Variants in TMEM39A observed in about 807,000 individuals in gnomAD.
The protein encoded by TMEM39A is suppressor of SQST-1 aggregates in rpl-43 mutants.
TMEM39A carries 19 observed loss-of-function variants against 51.9 expected under a neutral mutation model. That is an observed-to-expected ratio of 0.37 (90% CI 0.26 to 0.54). The LOEUF is 0.54. TMEM39A is among the 20% of genes least tolerant of loss of function. TMEM39A has a pLI of 0.88. For synonymous variants in TMEM39A, 197 were observed against 220.2 expected (o/e 0.89, Z 0.93); for missense variants, 433 against 590.5 (o/e 0.73, Z 2.76).
chr3:119,458,230 C>T lies in TMEM39A; in HGVS notation c.124G>A (p.Ala42Thr). The change falls in exon 3 of 9, where the codon GCT becomes ACT. Residue 42 changes from alanine (A) to threonine (T), a missense_variant. Transcript: ENST00000319172. ...ATAGGTGGGACTGGAAGGCCAATAG[C>T]ACTACCATTCCTGAAAGAGAAAACT... The part of the protein sequence containing the change: ...GTGLRNRNGS[A>T]IGLPVPPITA... The T allele has an allele frequency of 6.2e-7, 1 of 1,613,908 alleles. No homozygotes were observed. Among genetic ancestry groups the T allele is most frequent in the African/African-American group, 1.3e-5 (1 of 75,048 alleles).
At position 119,447,186 on chromosome 3, in the gene TMEM39A, A is replaced by C. The variant is rs757494660; in HGVS notation, c.421-14T>G. ...TGCCTTAGTAGCCTGAAAGTTTGGA[A>C]GCACCAAAATGAACATTTTGTAAAT... On this transcript the variant is annotated splice_polypyrimidine_tract_variant and intron_variant, in intron 4 of 8. Transcript: ENST00000319172. The C allele has an allele frequency of 1.2e-6, 2 of 1,605,222 alleles. No individual in the cohort carries two copies. Among genetic ancestry groups the C allele is most frequent in the South Asian group, 2.3e-5 (2 of 88,840 alleles).
rs1204256342 is a variant in TMEM39A, at chr3:119,463,539, T to G, written c.-278A>C. On this transcript the variant is annotated 5_prime_UTR_variant, in exon 1 of 9. Transcript: ENST00000319172. ...ACTCAGACCCAGACTCCGACGCAGTTCCAGTGCCAGAGCTAAAGCTAGAGC... is the reference window on the plus strand; with the variant it reads ...ACTCAGACCCAGACTCCGACGCAGTGCCAGTGCCAGAGCTAAAGCTAGAGC... 1.3e-5 allele frequency: 5 copies of G among 398,682 alleles called. No homozygotes were observed. The highest frequency in any genetic ancestry group is 2.2e-5 in the Non-Finnish European group (5 of 226,220). The allele number at this position is 398,682 out of a possible 1,614,324, so 24.7% of individuals were successfully genotyped here.
intron 4 of TMEM39A, among the ~76,000 whole-genome samples, chr3:119,450,205 T>A (rs1209494520): frequency 6.6e-6 from 1 of 152,222 alleles, no homozygotes; most frequent in Non-Finnish European, 1.5e-5. Context: ...CACCTGCTGA[T>A]CCTGTCTCCT....
chr3:119,434,707 G>GCCTC (rs2080945941), intron 8 of TMEM39A, 55 bp downstream of exon 8: 1 of 1,595,632 alleles, frequency 6.3e-7, no homozygotes, highest in South Asian at 1.1e-5. Flanking sequence ...ACATAGAGTG[G>GCCTC]CCTCCTAACA....
At position 119,452,428 on chromosome 3, in the gene TMEM39A, A is replaced by T; in HGVS notation, c.420+19T>A. ...TAACTCTAGCTACATGTGATAGAAT[A>T]TAGTCAATGAACTGTTACCTCTGAG... On this transcript the variant is annotated intron_variant, in intron 4 of 8. Transcript: ENST00000319172. The T allele has an allele frequency of 6.3e-7, 1 of 1,599,652 alleles. No individual in the cohort carries two copies. Among genetic ancestry groups the T allele is most frequent in the Non-Finnish European group, 8.6e-7 (1 of 1,167,520 alleles).
At chr3:119,436,765 A>G in intron 7 of TMEM39A, 26 bp downstream of exon 7, 1 of 1,581,414 alleles carries the variant, frequency 6.3e-7, no homozygotes, top group Non-Finnish European at 8.6e-7. Flanking sequence ...AAAGTGTTAC[A>G]TGGTTTTACC....
At chr3:119,452,045 A>AATGT (rs1442206531) in intron 4 of TMEM39A, among the ~76,000 whole-genome samples, 1 of 152,138 alleles carries the variant, frequency 6.6e-6, no homozygotes, top group Non-Finnish European at 1.5e-5. Context: ...TCTTGCTAAC[A>AATGT]ATCTTCTCAA....
chr3:119,435,065 C>A (rs891583700), intron 7 of TMEM39A, 183 bp from the exon 8 acceptor site: 7 of 972,100 alleles, frequency 7.2e-6, no homozygotes, highest in South Asian at 4.8e-5. Flanking sequence ...GTTACTTTAA[C>A]TTCATTGCTA....
chr3:119,439,263 T>G (rs1026877221), intron 5 of TMEM39A, among the ~76,000 whole-genome samples: 1 of 152,104 alleles, frequency 6.6e-6, no homozygotes, highest in Non-Finnish European at 1.5e-5. Flanking sequence ...GCACATAAAT[T>G]CAGATATGAA....
chr3:119,443,063 CAAA>C (rs56263355), intron 5 of TMEM39A, among the ~76,000 whole-genome samples: 2 of 53,086 alleles, frequency 3.8e-5, no homozygotes, highest in Non-Finnish European at 3.7e-5. Flanking sequence ...GACCCTGTCT[CAAA>C]AAAAAAAAAA....
At chr3:119,459,168 AC>A (rs2107691340) in intron 2 of TMEM39A, among the ~76,000 whole-genome samples, 1 of 152,362 alleles carries the variant, frequency 6.6e-6, no homozygotes, top group Non-Finnish European at 1.5e-5. Context: ...ACATCTGGGA[AC>A]CATGACTAGT....
Position 119,463,602 on chromosome 3 carries a change from T to C in TMEM39A, c.-341A>G, listed in dbSNP as rs2107698798. On this transcript the variant is annotated 5_prime_UTR_variant, in exon 1 of 9. An upstream start codon of the reference 5' UTR is lost. Coordinates refer to ENST00000319172, the MANE Select transcript of TMEM39A (RefSeq NM_018266.3). The stretch of plus-strand genomic sequence containing the variant: ...CTTCAGCACCCATCCCTAGCCTCCA[T>C]TACCGCGGAGCTGAGCAGACGTGGC... 1.5e-5 allele frequency: 6 copies of C among 398,766 alleles called. No homozygotes were observed. In the East Asian group the frequency reaches 1.8e-4, roughly 12 times the overall value. 24.7% of individuals were successfully genotyped at this position (398,766 alleles called of 1,614,324 possible).
At chr3:119,453,543 C>T (rs988034490) in intron 3 of TMEM39A, among the ~76,000 whole-genome samples, 17 of 152,214 alleles carry the variant, frequency 1.1e-4, no homozygotes, top group Admixed American at 2.6e-4. Context: ...AAAAGTAATA[C>T]GCACAACTTC....
chr3:119,431,763 C>T lies in TMEM39A; in HGVS notation c.*218G>A, dbSNP rs549322732. 141 of 367,272 alleles carry T rather than the reference C, an allele frequency of 3.8e-4. No homozygotes were observed. Among genetic ancestry groups the T allele is most frequent in the Non-Finnish European group, 4.4e-4 (90 of 205,362 alleles). 22.8% of individuals were successfully genotyped at this position (367,272 alleles called of 1,614,324 possible). On this transcript the variant is annotated 3_prime_UTR_variant, in exon 9 of 9. Transcript: ENST00000319172. ...CAAATCAATCTCTTTACTGGACAGGCATACCTCTCATATGTATATTATTCG... is the reference window on the plus strand; with the variant it reads ...CAAATCAATCTCTTTACTGGACAGGTATACCTCTCATATGTATATTATTCG...
At chr3:119,436,078 A>C (rs565407195) in intron 7 of TMEM39A, 86 of 505,128 alleles carry the variant, frequency 1.7e-4, no homozygotes, top group South Asian at 1.5e-3. Flanking sequence ...AAAAGGGGGA[A>C]GATGAAGATG....
At chr3:119,443,807 C>T (rs2081088124) in intron 5 of TMEM39A, among the ~76,000 whole-genome samples, 1 of 151,916 alleles carries the variant, frequency 6.6e-6, no homozygotes, top group Non-Finnish European at 1.5e-5. Flanking sequence ...GTCCCAGTCC[C>T]CTAGGATTGC....
chr3:119,453,727 C>A (rs2081229175), intron 3 of TMEM39A, among the ~76,000 whole-genome samples: 1 of 152,104 alleles, frequency 6.6e-6, no homozygotes, highest in Non-Finnish European at 1.5e-5. Context: ...TGTTATATCA[C>A]CCACCTAAAC....
intron 5 of TMEM39A, 111 bp downstream of exon 5, chr3:119,446,907 T>C: frequency 1.6e-6 from 2 of 1,238,498 alleles, no homozygotes; most frequent in Middle Eastern, 2.0e-4. Context: ...GTTTTCTAAA[T>C]GCTTCATTTA....
intron 2 of TMEM39A, among the ~76,000 whole-genome samples, chr3:119,459,601 A>G (rs1286688043): frequency 6.6e-6 from 1 of 152,198 alleles, no homozygotes; most frequent in Non-Finnish European, 1.5e-5. Flanking sequence ...TTAAAAGGAT[A>G]ATACTTTAAA....
Sources: allele counts gnomAD v4.1 joint callset (sites outside exome capture counted in the v4.1 genomes callset), GRCh38; gene constraint gnomAD v4.1.1; transcripts MANE v1.5; gene names NCBI Gene and HGNC (gene_info 2026-07-23, HGNC 2026-07-21).